CEP162: variants seen among roughly 807,000 people sequenced by gnomAD.
CEP162 encodes the protein centrosomal protein 162.
In CEP162, 141 loss-of-function variants were observed where a neutral mutation model predicts 169.2. That is an observed-to-expected ratio of 0.83 (90% CI 0.73 to 0.96). CEP162 has a LOEUF of 0.96. Among genes scored for constraint, CEP162 ranks in the 40% least tolerant of loss-of-function variants. The pLI is 0.00. For missense variants in CEP162, 1,600 were observed against 1,587.2 expected, an observed-to-expected ratio of 1.01 and a Z score of -0.14; for synonymous variants, 540 against 526.4, an observed-to-expected ratio of 1.03 and a Z score of -0.35.
At chr6:84,210,095 C>A (rs538193249) in intron 6 of CEP162, among the ~76,000 whole-genome samples, 2 of 152,144 alleles carry the variant, frequency 1.3e-5, no homozygotes, top group Non-Finnish European at 2.9e-5. Context: ...CCACATTGTT[C>A]GGAAAACAAT....
intron 17 of CEP162, 51 bp downstream of exon 17, chr6:84,171,555 G>T: frequency 1.6e-6 from 1 of 636,140 alleles, no homozygotes; most frequent in Non-Finnish European, 2.5e-6. Flanking sequence ...ATAAGAAAAT[G>T]CTTGAAATAG....
intron 13 of CEP162, among the ~76,000 whole-genome samples, chr6:84,183,750 CTTGGTTAAACAG>C (rs1339220492): frequency 5.3e-5 from 8 of 152,236 alleles, no homozygotes; most frequent in South Asian, 2.1e-4. Context: ...ACTAAGTACA[CTTGGTTAAACAG>C]TTGGTTAAAC....
chr6:84,187,238 C>A (rs1252857210), intron 11 of CEP162, among the ~76,000 whole-genome samples: 1 of 152,006 alleles, frequency 6.6e-6, no homozygotes, highest in African/African-American at 2.4e-5. Flanking sequence ...CTAGAAGATA[C>A]AACGTAAGGA....
chr6:84,157,891 C>T (rs1277387015), intron 21 of CEP162, among the ~76,000 whole-genome samples: 2 of 152,156 alleles, frequency 1.3e-5, no homozygotes, highest in Admixed American at 1.3e-4. Context: ...CTCCAATCCT[C>T]TGGTCCAAAT....
chr6:84,214,274 G>A (rs1387418599), intron 5 of CEP162, among the ~76,000 whole-genome samples: 4 of 152,214 alleles, frequency 2.6e-5, no homozygotes, highest in Middle Eastern at 3.4e-3. Context: ...GCGAGACTCC[G>A]TCTCAAAAAA....
intron 2 of CEP162, 101 bp downstream of exon 2, chr6:84,226,234 CAG>C (rs968871107): frequency 1.3e-6 from 1 of 767,238 alleles, no homozygotes; most frequent in Non-Finnish European, 2.2e-6. Flanking sequence ...GATGGGAATT[CAG>C]AGTTTGGTGA....
At chr6:84,204,220 A>G in intron 6 of CEP162, 124 bp from the exon 7 acceptor site, 1 of 567,540 alleles carries the variant, frequency 1.8e-6, no homozygotes, top group Admixed American at 3.4e-5. Flanking sequence ...ATAGTAACAT[A>G]AAGATGTCTT....
intron 25 of CEP162, among the ~76,000 whole-genome samples, chr6:84,129,298 A>G (rs1448119110): frequency 6.6e-6 from 1 of 151,998 alleles, no homozygotes; most frequent in Non-Finnish European, 1.5e-5. Context: ...ACTAATTTAC[A>G]CTCCCACCAA....
chr6:84,217,499 G>GC (rs1370822289), intron 3 of CEP162, among the ~76,000 whole-genome samples: 2 of 152,160 alleles, frequency 1.3e-5, no homozygotes, highest in Non-Finnish European at 2.9e-5. Flanking sequence ...AAATGCCCAG[G>GC]CATGTGTGAA....
intron 21 of CEP162, among the ~76,000 whole-genome samples, chr6:84,160,270 C>T (rs1322067244): frequency 6.6e-6 from 1 of 152,128 alleles, no homozygotes; most frequent in African/African-American, 2.4e-5. Context: ...ATAAAAAAAT[C>T]TTTATTTTAA....
intron 11 of CEP162, among the ~76,000 whole-genome samples, chr6:84,188,269 T>C (rs971221478): frequency 6.6e-6 from 1 of 152,144 alleles, no homozygotes; most frequent in Admixed American, 6.5e-5. Flanking sequence ...TTTTTAAACT[T>C]TTATTCCAGG....
At position 84,161,757 on chromosome 6, in the gene CEP162, G is replaced by A. The variant is rs761104675; in HGVS notation, c.2665C>T (p.Leu889Phe). Residue 889 changes from leucine (L) to phenylalanine (F), a missense_variant, in exon 20 of 27, where the codon CTC becomes TTC. Physicochemically the swap from Leu to Phe is conservative, Grantham distance 22. Transcript: ENST00000403245. ...GAAATATCTATTACCTCAAGTTTGA[G>A]CTTCTCAATTTCCTCATTTGCTTCT... ...LREANEEIEK[L>F]KLEIEKLKAE... 1.7e-5 allele frequency: 27 copies of A among 1,588,974 alleles called. No individual in the cohort carries two copies. In the East Asian group the frequency reaches 5.4e-4, roughly 32 times the overall value.
chr6:84,124,882 A>G lies in CEP162; in HGVS notation c.*188T>C. 2 of 591,170 alleles carry G rather than the reference A, an allele frequency of 3.4e-6. No homozygotes were observed. The highest frequency in any genetic ancestry group is 5.8e-6 in the Non-Finnish European group (2 of 342,778). 36.6% of individuals were successfully genotyped at this position (591,170 alleles called of 1,614,324 possible). ...AAAATGAGACTGGTTAATGATTTTTAGTAAAATACACCATTATATGTTTTT... is the reference window on the plus strand; with the variant it reads ...AAAATGAGACTGGTTAATGATTTTTGGTAAAATACACCATTATATGTTTTT... On this transcript the variant is annotated 3_prime_UTR_variant, in exon 27 of 27. Coordinates refer to ENST00000403245, the MANE Select transcript of CEP162 (RefSeq NM_014895.4).
chr6:84,223,884 C>G (rs899758289), intron 2 of CEP162, among the ~76,000 whole-genome samples: 10 of 150,142 alleles, frequency 6.7e-5, no homozygotes, highest in African/African-American at 2.5e-4. Flanking sequence ...CCAGCCTGGG[C>G]AACAGAGCAA....
chr6:84,146,605 A>C, intron 25 of CEP162, 82 bp downstream of exon 25: 1 of 619,498 alleles, frequency 1.6e-6, no homozygotes, highest in Non-Finnish European at 2.8e-6. Context: ...TTGTACATTT[A>C]GGTAAAAAAT....
At chr6:84,186,291 G>T in intron 12 of CEP162, 41 bp downstream of exon 12, 1 of 1,131,704 alleles carries the variant, frequency 8.8e-7, no homozygotes, top group South Asian at 1.4e-5. Context: ...ACATAACTTC[G>T]GTTCTCAATC....
chr6:84,149,637 T>C lies in CEP162; in HGVS notation c.3696A>G (p.Lys1232=). The change falls in exon 24 of 27, where the codon AAA becomes AAG. Residue 1232 remains lysine (K), a synonymous_variant. Transcript: ENST00000403245. Reference sequence around the variant, plus strand: ...TTTCTACTGCATTTTGGCAAAGGAGTTTCTCTATTTCTCTCTGATGAGATG... The same window carrying C: ...TTTCTACTGCATTTTGGCAAAGGAGCTTCTCTATTTCTCTCTGATGAGATG... ...LKASHQREIE[K]LLCQNAVENS... 1 of 1,602,820 alleles carries C rather than the reference T, an allele frequency of 6.2e-7. No homozygotes were observed. Among genetic ancestry groups the C allele is most frequent in the African/African-American group, 1.3e-5 (1 of 74,632 alleles).
chr6:84,219,206 T>C, intron 3 of CEP162: 3 of 1,227,726 alleles, frequency 2.4e-6, no homozygotes, highest in Non-Finnish European at 3.3e-6. Context: ...TGCCTTTTCA[T>C]AATAATGCCT....
chr6:84,205,055 C>T (rs2099546258), intron 6 of CEP162, among the ~76,000 whole-genome samples: 1 of 152,142 alleles, frequency 6.6e-6, no homozygotes, highest in Non-Finnish European at 1.5e-5. Flanking sequence ...AGACCAATAA[C>T]AGGATCTGAA....
Sources: allele counts gnomAD v4.1 joint callset (sites outside exome capture counted in the v4.1 genomes callset), GRCh38; gene constraint gnomAD v4.1.1; transcripts MANE v1.5; gene names NCBI Gene and HGNC (gene_info 2026-07-23, HGNC 2026-07-21).